Variants in SLC12A7 observed in about 807,000 individuals in gnomAD.
SLC12A7 encodes the protein K-Cl cotransporter 4.
In SLC12A7, 100 loss-of-function variants were observed where a neutral mutation model predicts 120.6. That is an observed-to-expected ratio of 0.83 (90% CI 0.71 to 0.98). The LOEUF (loss-of-function observed/expected upper bound fraction) is 0.98. Among genes scored for constraint, SLC12A7 ranks in the 50% least tolerant of loss-of-function variants. The pLI, the probability that SLC12A7 is intolerant of heterozygous loss-of-function variation, is 0.00. For synonymous variants in SLC12A7, 760 were observed against 678.0 expected (o/e 1.12, Z -1.88); for missense variants, 1,373 against 1,548.1 (o/e 0.89, Z 1.90).
intron 10 of SLC12A7, among the ~76,000 whole-genome samples, 194 bp from the exon 11 acceptor site, chr5:1,078,952 T>C (rs1205784692): frequency 5.9e-5 from 9 of 152,076 alleles, no homozygotes; most frequent in Admixed American, 5.9e-4. Flanking sequence ...CGCACCCTCC[T>C]GGGGCTCTGT....
chr5:1,057,777 G>T, intron 21 of SLC12A7, 128 bp from the exon 22 acceptor site: 1 of 865,088 alleles, frequency 1.2e-6, no homozygotes, highest in East Asian at 2.6e-5. Context: ...CCTGACCCGG[G>T]ACCCAGCCTG....
At chr5:1,087,146 C>T (rs1286249403) in intron 5 of SLC12A7, 113 bp from the exon 6 acceptor site, 10 of 1,355,528 alleles carry the variant, frequency 7.4e-6, no homozygotes, top group East Asian at 2.5e-5. Flanking sequence ...GCGAAGGCAG[C>T]GTGTAGACCC....
In SLC12A7 at chr5:1,074,519, A is replaced by G. The variant is rs372456474; in HGVS notation, c.2072+48T>C. 2.2e-5 allele frequency: 34 copies of G among 1,538,908 alleles called. No homozygotes were observed. The South Asian group carries it at 3.7e-4, about 17-fold the overall frequency. Reference sequence around the variant, plus strand: ...CCCCACTCAAAGGCCGACCTCAGAAACAGCTCTTCTGTGCGTCTGAGGACC... The same window carrying G: ...CCCCACTCAAAGGCCGACCTCAGAAGCAGCTCTTCTGTGCGTCTGAGGACC... On this transcript the variant is annotated intron_variant, in intron 16 of 23. Coordinates refer to ENST00000264930, the MANE Select transcript of SLC12A7 (RefSeq NM_006598.3).
At chr5:1,072,314 GC>G (rs1322603625) in intron 17 of SLC12A7, among the ~76,000 whole-genome samples, 4 of 86 alleles carry the variant, frequency 0.047, no homozygotes, top group African/African-American at 0.25. Flanking sequence ...CACTTATGCA[GC>G]CCCCAGTGAG....
the SLC12A7 span, among the ~76,000 whole-genome samples, chr5:1,155,203 A>G: frequency 6.6e-6 from 1 of 151,080 alleles, no homozygotes; most frequent in South Asian, 2.1e-4. Context: ...ACTGCTTCCC[A>G]GATCTGCCGG....
At chr5:1,080,746 G>A (rs1738968140) in intron 9 of SLC12A7, among the ~76,000 whole-genome samples, 1 of 152,232 alleles carries the variant, frequency 6.6e-6, no homozygotes, top group Non-Finnish European at 1.5e-5. Context: ...ACTGTTTGAG[G>A]AGGACACAGA....
At chr5:1,118,175 T>A in the SLC12A7 span, among the ~76,000 whole-genome samples, 2 of 152,212 alleles carry the variant, frequency 1.3e-5, no homozygotes, top group Non-Finnish European at 2.9e-5. Flanking sequence ...CGTGAATCCC[T>A]CTTTCCCTAT....
chr5:1,091,932 G>A (rs1740572563), intron 3 of SLC12A7, among the ~76,000 whole-genome samples: 1 of 152,112 alleles, frequency 6.6e-6, no homozygotes, highest in East Asian at 1.9e-4. Context: ...CAGGGGGGGC[G>A]GCCACAAGCT....
At chr5:1,080,114 A>G (rs890227915) in intron 9 of SLC12A7, among the ~76,000 whole-genome samples, 1 of 150,666 alleles carries the variant, frequency 6.6e-6, no homozygotes, top group African/African-American at 2.5e-5. Context: ...CCCACAATCC[A>G]GTGCCGCGGA....
intron 21 of SLC12A7, 82 bp downstream of exon 21, chr5:1,060,262 C>CTT: frequency 9.4e-7 from 1 of 1,064,816 alleles, no homozygotes; most frequent in Non-Finnish European, 1.4e-6. Flanking sequence ...TCGTGGGCTG[C>CTT]AGGAGGGTCC....
At chr5:1,057,329 C>T (rs1028805013) in intron 22 of SLC12A7, 142 bp downstream of exon 22, 26 of 843,430 alleles carry the variant, frequency 3.1e-5, no homozygotes, top group Admixed American at 1.8e-4. Flanking sequence ...CCCACTCAGG[C>T]GGCTCCCTGT....
the SLC12A7 span, among the ~76,000 whole-genome samples, chr5:1,138,481 C>T: frequency 6.6e-6 from 1 of 152,136 alleles, no homozygotes; most frequent in Non-Finnish European, 1.5e-5. Flanking sequence ...TCTACAAGTC[C>T]CCACCCTACC....
At chr5:1,098,142 C>CT (rs1741511964) in intron 1 of SLC12A7, among the ~76,000 whole-genome samples, 1 of 91,466 alleles carries the variant, frequency 1.1e-5, no homozygotes, top group Non-Finnish European at 2.1e-5. Flanking sequence ...GCCCAGCCCC[C>CT]ACAACCCTCT....
chr5:1,052,702 G>A (rs557313014), intron 23 of SLC12A7, among the ~76,000 whole-genome samples: 13 of 152,258 alleles, frequency 8.5e-5, no homozygotes, highest in East Asian at 1.9e-4. Flanking sequence ...CAGAGACAGC[G>A]ACACAGCCCA....
rs531575473 is a variant in SLC12A7 at position 1,109,353 on chromosome 5, C to T, written c.124+2515G>A. Among the ~76,000 whole-genome samples, 9 of 152,314 alleles carry T rather than the reference C, an allele frequency of 5.9e-5. No individual in the cohort carries two copies. The South Asian group carries it at 1.2e-3, about 21-fold the overall frequency. On this transcript the variant is annotated intron_variant, in intron 1 of 23. Transcript: ENST00000264930. ...CACTCTACCCTGAAGTCGGACGAGA[C>T]GCAGCCGGCCCCCAGCAGTGTCCTC...
chr5:1,091,922 CA>C (rs751725683), intron 3 of SLC12A7, among the ~76,000 whole-genome samples: 18 of 152,300 alleles, frequency 1.2e-4, no homozygotes, highest in Non-Finnish European at 1.9e-4. Context: ...GAGCTACAGA[CA>C]GGGGGGGCGG....
chr5:1,106,451 CAAAAAA>C (rs36005053), intron 1 of SLC12A7, among the ~76,000 whole-genome samples: 3 of 81,840 alleles, frequency 3.7e-5, no homozygotes. Context: ...AACTCTGTCT[CAAAAAA>C]AAAAAAAAAA....
At chr5:1,133,559 G>A in the SLC12A7 span, among the ~76,000 whole-genome samples, 1 of 152,150 alleles carries the variant, frequency 6.6e-6, no homozygotes, top group Non-Finnish European at 1.5e-5. Context: ...GGTTGACTGT[G>A]GGTGGAGAGA....
In SLC12A7 at chr5:1,076,873, C is replaced by A. The variant is rs1401371370; in HGVS notation, c.1630-61G>T. ...CACCACCCTTTTAGGAGAGAAGCTG[C>A]AGGCTGGTCAGGTCTAGCCCAGATG... On this transcript the variant is annotated intron_variant, in intron 12 of 23. Transcript: ENST00000264930. The A allele has an allele frequency of 3.5e-6, 4 of 1,146,022 alleles. No individual in the cohort carries two copies. The African/African-American group carries it at 4.5e-5, about 13-fold the overall frequency. The allele number at this position is 1,146,022 out of a possible 1,614,324, so 71.0% of individuals were successfully genotyped here.
Sources: allele counts gnomAD v4.1 joint callset (sites outside exome capture counted in the v4.1 genomes callset), GRCh38; gene constraint gnomAD v4.1.1; transcripts MANE v1.5; gene names NCBI Gene and HGNC (gene_info 2026-07-23, HGNC 2026-07-21).